EPB41L4B: variants seen among roughly 807,000 people sequenced by gnomAD.
The protein encoded by EPB41L4B is erythrocyte membrane protein band 4.1 like 4B.
EPB41L4B carries 30 observed loss-of-function variants against 112.5 expected under a neutral mutation model. The ratio of observed to expected loss-of-function variants is 0.27; its 90% CI spans 0.20 to 0.36. EPB41L4B has a LOEUF of 0.36. Among genes scored for constraint, EPB41L4B ranks in the 10% least tolerant of loss-of-function variants. The pLI is 1.00. For synonymous variants in EPB41L4B, 408 were observed against 439.7 expected (o/e 0.93, Z 0.90); for missense variants, 1,024 against 1,133.3 (o/e 0.90, Z 1.38).
At chr9:109,315,811 G>GA (rs148064813) in intron 1 of EPB41L4B, among the ~76,000 whole-genome samples, 1,656 of 151,974 alleles carry the variant, frequency 0.011, 27 homozygotes, top group African/African-American at 0.037. Flanking sequence ...TGTTTTTGCT[G>GA]AAAAAAACAT....
chr9:109,212,092 G>A (rs1260408631), intron 17 of EPB41L4B, among the ~76,000 whole-genome samples: 2 of 152,110 alleles, frequency 1.3e-5, no homozygotes, highest in Non-Finnish European at 2.9e-5. Context: ...TAACCCACAG[G>A]TGTCTCAGGT....
chr9:109,192,655 G>A (rs942689679), intron 21 of EPB41L4B, among the ~76,000 whole-genome samples: 1 of 152,130 alleles, frequency 6.6e-6, no homozygotes, highest in Non-Finnish European at 1.5e-5. Context: ...ACTTGAAAGA[G>A]TCCTCTGAAT....
At chr9:109,208,701 G>A (rs1257797172) in intron 17 of EPB41L4B, among the ~76,000 whole-genome samples, 1 of 151,988 alleles carries the variant, frequency 6.6e-6, no homozygotes, top group Non-Finnish European at 1.5e-5. Flanking sequence ...TGAAATTATA[G>A]GCTTTGTGAC....
intron 1 of EPB41L4B, among the ~76,000 whole-genome samples, chr9:109,281,694 AAATAAATAAAT>A (rs1392815150): frequency 1.1e-5 from 1 of 93,886 alleles, no homozygotes; most frequent in East Asian, 3.1e-4. Flanking sequence ...ATAAATAAAT[AAATAAATAAAT>A]AAATAAATAA....
chr9:109,189,570 G>A (rs980066819), intron 22 of EPB41L4B, among the ~76,000 whole-genome samples: 3 of 152,132 alleles, frequency 2.0e-5, no homozygotes, highest in Non-Finnish European at 4.4e-5. Flanking sequence ...CACAGAGACC[G>A]GCCACAAGTA....
intron 1 of EPB41L4B, among the ~76,000 whole-genome samples, chr9:109,281,317 A>C (rs1836028898): frequency 6.6e-6 from 1 of 152,238 alleles, no homozygotes; most frequent in Non-Finnish European, 1.5e-5. Context: ...AATGGTCAAT[A>C]AACACATGAA....
chr9:109,198,684 G>C (rs1213036978), intron 20 of EPB41L4B, among the ~76,000 whole-genome samples: 1 of 152,138 alleles, frequency 6.6e-6, no homozygotes, highest in Non-Finnish European at 1.5e-5. Context: ...AGGTGGGGTG[G>C]ATCACTTGAG....
chr9:109,245,848 T>C (rs1046747995), intron 14 of EPB41L4B, among the ~76,000 whole-genome samples: 1 of 152,240 alleles, frequency 6.6e-6, no homozygotes, highest in Admixed American at 6.5e-5. Flanking sequence ...TTGCCAATGA[T>C]GTTGCGATAA....
chr9:109,203,887 T>G (rs41278383), intron 18 of EPB41L4B, among the ~76,000 whole-genome samples, 157 bp from the exon 19 acceptor site: 2,487 of 152,310 alleles, frequency 0.016, 24 homozygotes, highest in Middle Eastern at 0.037. Context: ...TGCACTGGTG[T>G]TTATATATGT....
chr9:109,189,223 G>A (rs765716508), intron 22 of EPB41L4B, among the ~76,000 whole-genome samples: 1 of 152,194 alleles, frequency 6.6e-6, no homozygotes, highest in Non-Finnish European at 1.5e-5. Context: ...GGAAAGACGT[G>A]AAGCTGCAAA....
At chr9:109,286,857 C>T (rs977604491) in intron 1 of EPB41L4B, among the ~76,000 whole-genome samples, 1 of 152,150 alleles carries the variant, frequency 6.6e-6, no homozygotes, top group African/African-American at 2.4e-5. Context: ...TTGGGATCCC[C>T]GTTCTGAAAT....
rs1296211793 is a variant in EPB41L4B, at chr9:109,320,332, C to T, written c.115G>A (p.Gly39Arg). The T allele has an allele frequency of 7.1e-6, 7 of 989,020 alleles. No homozygotes were observed. Among genetic ancestry groups the T allele is most frequent in the Admixed American group, 1.2e-4 (2 of 16,144 alleles). The allele number at this position is 989,020 out of a possible 1,614,324, so 61.3% of individuals were successfully genotyped here. The stretch of plus-strand genomic sequence containing the variant: ...GAGGAGGCGGCGGCGGCCGGGCCCC[C>T]CCGTGGCCCCCCATCGCGCTCGTCC... ...LGDERDGGPRGGPAAAASSSA... is the reference protein window; with the variant it reads ...LGDERDGGPRRGPAAAASSSA... The change falls in exon 1 of 26, where the codon GGG becomes AGG. Residue 39 changes from glycine (G) to arginine (R), a missense_variant. Physicochemically the swap from Gly to Arg is moderately radical, Grantham distance 125. Coordinates refer to ENST00000374566, the MANE Select transcript of EPB41L4B (RefSeq NM_019114.5).
At chr9:109,198,917 C>G (rs1414881078) in intron 20 of EPB41L4B, among the ~76,000 whole-genome samples, 1 of 129,518 alleles carries the variant, frequency 7.7e-6, no homozygotes, top group African/African-American at 3.1e-5. Flanking sequence ...CAGAGCAAGG[C>G]TCTGTCTCAA....
chr9:109,256,618 T>C (rs758118376), intron 7 of EPB41L4B, 138 bp from the exon 8 acceptor site: 8 of 689,144 alleles, frequency 1.2e-5, no homozygotes, highest in South Asian at 1.8e-5. Flanking sequence ...ACAAAAAGAT[T>C]CCCAAGACCT....
intron 22 of EPB41L4B, among the ~76,000 whole-genome samples, chr9:109,186,218 C>T (rs554920829): frequency 1.2e-4 from 18 of 151,410 alleles, no homozygotes; most frequent in African/African-American, 3.6e-4. Context: ...TTTTGAGACT[C>T]GCTCTGTCAC....
At chr9:109,223,672 C>A (rs779936277) in intron 15 of EPB41L4B, among the ~76,000 whole-genome samples, 5 of 152,050 alleles carry the variant, frequency 3.3e-5, no homozygotes, top group Non-Finnish European at 7.4e-5. Context: ...AGAAATGGAG[C>A]CCCTCAGATA....
Position 109,203,726 on chromosome 9 carries a change from C to G in EPB41L4B, c.1883G>C (p.Gly628Ala), listed in dbSNP as rs1268524476. ...ENASRVNIQG[G>A]KEESPFVNIN... is the part of the protein sequence containing the mutation. The stretch of plus-strand genomic sequence containing the variant: ...ATTTACAAACGGTGATTCCTCCTTT[C>G]CACCCTGTTAAAGAAAGCATTCAGG... The change falls in exon 19 of 26, where the codon GGA becomes GCA. Residue 628 changes from glycine to alanine, a missense_variant. Transcript: ENST00000374566. 2.5e-6 allele frequency: 4 copies of G among 1,613,684 alleles called. No homozygotes were observed. The South Asian group carries it at 4.4e-5, about 18-fold the overall frequency.
chr9:109,201,462 A>AAAAG (rs1263520851), intron 19 of EPB41L4B, among the ~76,000 whole-genome samples: 4 of 151,960 alleles, frequency 2.6e-5, no homozygotes, highest in African/African-American at 7.2e-5. Context: ...AAAAAAAAAA[A>AAAAG]AAAGAAAAAA....
intron 16 of EPB41L4B, among the ~76,000 whole-genome samples, chr9:109,214,304 C>T (rs1833287881): frequency 6.6e-6 from 1 of 152,130 alleles, no homozygotes; most frequent in Non-Finnish European, 1.5e-5. Flanking sequence ...CACTACTTCT[C>T]CTTCCAGCTT....
Sources: gnomAD v4.1 joint callset for allele counts (sites outside exome capture counted in the v4.1 genomes callset) on GRCh38, gnomAD v4.1.1 for gene constraint, MANE v1.5 for transcripts, NCBI Gene and HGNC (gene_info 2026-07-23, HGNC 2026-07-21) for gene names.